The following MRPL20 variants were observed in gnomAD, a reference collection of about 807,000 sequenced individuals.
MRPL20 encodes the protein mitochondrial ribosomal protein L20.
In MRPL20, 21 loss-of-function variants were observed where a neutral mutation model predicts 20.0. The ratio of observed to expected loss-of-function variants is 1.05; its 90% CI spans 0.74 to 1.51. The LOEUF (loss-of-function observed/expected upper bound fraction) is 1.51. MRPL20 is among the 40% of genes most tolerant of loss of function. MRPL20 has a pLI of 0.00. For missense variants in MRPL20, 252 were observed against 185.6 expected (o/e 1.36, Z -2.08); for synonymous variants, 104 against 73.0 (o/e 1.43, Z -2.17).
In MRPL20 at chr1:1,401,973, A is replaced by G. The variant is rs1003690524; in HGVS notation, c.*110T>C. 1.1e-5 allele frequency: 13 copies of G among 1,221,772 alleles called. No homozygotes were observed. The African/African-American group carries it at 1.8e-4, about 17-fold the overall frequency. 75.7% of individuals were successfully genotyped at this position (1,221,772 alleles called of 1,614,324 possible). ...TCATCTGTGAGGCTCTGTCCCAGAGAGACAGGGCCATCCCTCATGTCTGTT... is the reference window on the plus strand; with the variant it reads ...TCATCTGTGAGGCTCTGTCCCAGAGGGACAGGGCCATCCCTCATGTCTGTT... On this transcript the variant is annotated 3_prime_UTR_variant, in exon 4 of 4. Coordinates refer to ENST00000344843, the MANE Select transcript of MRPL20 (RefSeq NM_017971.4).
chr1:1,401,915 G>A lies in MRPL20; in HGVS notation c.*168C>T. 1.3e-6 allele frequency: 1 copy of A among 781,814 alleles called. No homozygotes were observed. Among genetic ancestry groups the A allele is most frequent in the Non-Finnish European group, 2.0e-6 (1 of 499,456 alleles). The allele number at this position is 781,814 out of a possible 1,614,324, so 48.4% of individuals were successfully genotyped here. On this transcript the variant is annotated 3_prime_UTR_variant, in exon 4 of 4. Transcript: ENST00000344843. ...AGAAAATGACTCTAAAAACTGAAGA[G>A]TGTTTGAGTTTCATTCACACAAAAC... is the stretch of plus-strand genomic sequence containing the variant.
Position 1,407,285 on chromosome 1 carries a change from G to T in MRPL20, c.-68C>A. ...GCAGCGCCGCTGCCATCTTGCCCGG[G>T]TCGGAAATGGTGGTCACGAGCGCTT... On this transcript the variant is annotated 5_prime_UTR_variant, in exon 1 of 4. Transcript: ENST00000344843. The T allele has an allele frequency of 7.2e-7, 1 of 1,396,502 alleles. No individual in the cohort carries two copies. Among genetic ancestry groups the T allele is most frequent in the Non-Finnish European group, 9.9e-7 (1 of 1,014,050 alleles). 86.5% of individuals were successfully genotyped at this position (1,396,502 alleles called of 1,614,324 possible).
rs761023126 is a variant in MRPL20 at position 1,402,046 on chromosome 1, ACT to A, written c.*35_*36del. 1.1e-5 allele frequency: 18 copies of A among 1,577,210 alleles called. No individual in the cohort carries two copies. Among genetic ancestry groups the A allele is most frequent in the Admixed American group, 1.9e-5 (1 of 52,692 alleles). ...GTATAAATCAAACAAACTGCAAATT[ACT>A]CTGTCTCTTTTCCTAATCAATACAG... On this transcript the variant is annotated 3_prime_UTR_variant, in exon 4 of 4. Transcript: ENST00000344843.
rs750761440 is a variant in MRPL20, at chr1:1,402,079, G to C, written c.*4C>G. 3.1e-6 allele frequency: 5 copies of C among 1,609,204 alleles called. No homozygotes were observed. Among genetic ancestry groups the C allele is most frequent in the Middle Eastern group, 1.7e-4 (1 of 6,044 alleles). Reference sequence around the variant, plus strand: ...TCTTTTCCTAATCAATACAGCAACAGTCCTCAGTGGTACTGCACCACTCTG... The same window carrying C: ...TCTTTTCCTAATCAATACAGCAACACTCCTCAGTGGTACTGCACCACTCTG... On this transcript the variant is annotated 3_prime_UTR_variant, in exon 4 of 4. Transcript: ENST00000344843.
At position 1,402,266 on chromosome 1, in the gene MRPL20, G is replaced by C. The variant is rs748990590; in HGVS notation, c.277-10C>G. 2.6e-5 allele frequency: 41 copies of C among 1,602,452 alleles called. No individual in the cohort carries two copies. Among genetic ancestry groups the C allele is most frequent in the African/African-American group, 1.3e-4 (10 of 74,500 alleles). On this transcript the variant is annotated splice_polypyrimidine_tract_variant and intron_variant, in intron 3 of 3. Transcript: ENST00000344843. ...TGAGCTCCACCTGGCACTGAAAAAA[G>C]AATGAATCAGAACCTGCTGTCAGTG...
At chr1:1,402,618 G>C in intron 3 of MRPL20, 1 of 1,020,206 alleles carries the variant, frequency 9.8e-7, no homozygotes, top group Non-Finnish European at 1.2e-6. Context: ...GAACCACAGA[G>C]GATTTCAGAA....
chr1:1,402,211 A>T lies in MRPL20; in HGVS notation c.322T>A (p.Tyr108Asn). 1 of 1,613,936 alleles carries T rather than the reference A, an allele frequency of 6.2e-7. No homozygotes were observed. Among genetic ancestry groups the T allele is most frequent in the South Asian group, 1.1e-5 (1 of 91,070 alleles). The change falls in exon 4 of 4, where the codon TAC (tyrosine) becomes AAC (asparagine). Residue 108 changes from tyrosine to asparagine, a missense_variant. Transcript: ENST00000344843. Reference protein sequence around the residue: ...NRKVLADLAIYEPKTFKSLAA... With the variant: ...NRKVLADLAINEPKTFKSLAA... ...AAAGATTTGAAAGTCTTTGGCTCGT[A>T]GATGGCCAGATCCGCTAGGACTTTC...
At chr1:1,406,365 A>C in intron 2 of MRPL20, 1 of 177,038 alleles carries the variant, frequency 5.6e-6, no homozygotes, top group South Asian at 1.1e-4. Context: ...AAGAAAAAAA[A>C]ACCGGGGTAC....
intron 2 of MRPL20, chr1:1,406,509 T>G: frequency 4.2e-6 from 1 of 236,332 alleles, no homozygotes; most frequent in Non-Finnish European, 8.5e-6. Flanking sequence ...GCAGCAGGCG[T>G]GGTCTCTTCG....
rs988032681 is a variant in MRPL20 at position 1,402,051 on chromosome 1, G to C, written c.*32C>G. 1.9e-6 allele frequency: 3 copies of C among 1,582,906 alleles called. No homozygotes were observed. The highest frequency in any genetic ancestry group is 2.3e-5 in the East Asian group (1 of 44,412). ...AATCAAACAAACTGCAAATTACTCT[G>C]TCTCTTTTCCTAATCAATACAGCAA... is the stretch of plus-strand genomic sequence containing the variant. On this transcript the variant is annotated 3_prime_UTR_variant, in exon 4 of 4. Coordinates refer to ENST00000344843, the MANE Select transcript of MRPL20 (RefSeq NM_017971.4).
chr1:1,402,307 G>C, intron 3 of MRPL20, 51 bp from the exon 4 acceptor site: 2 of 1,548,074 alleles, frequency 1.3e-6, no homozygotes, highest in South Asian at 1.2e-5. Flanking sequence ...CACACACTCC[G>C]GCTCCGCGTG....
At position 1,402,021 on chromosome 1, in the gene MRPL20, G is replaced by A. The variant is rs576512910; in HGVS notation, c.*62C>T. ...GTTATTGGGTTGTAGATAAACAAAAGTATAAATCAAACAAACTGCAAATTA... is the reference window on the plus strand; with the variant it reads ...GTTATTGGGTTGTAGATAAACAAAAATATAAATCAAACAAACTGCAAATTA... On this transcript the variant is annotated 3_prime_UTR_variant, in exon 4 of 4. Transcript: ENST00000344843. The A allele has an allele frequency of 1.8e-5, 28 of 1,546,666 alleles. No individual in the cohort carries two copies. In the African/African-American group the frequency reaches 3.6e-4, roughly 20 times the overall value.
intron 2 of MRPL20, chr1:1,406,546 C>T (rs545824472): frequency 5.3e-5 from 17 of 322,386 alleles, no homozygotes; most frequent in South Asian, 3.8e-4. Context: ...CAGATAGTAG[C>T]CCTGGAGGGT....
chr1:1,402,318 GT>G, intron 3 of MRPL20, 62 bp from the exon 4 acceptor site: 1 of 1,529,128 alleles, frequency 6.5e-7, no homozygotes, highest in Admixed American at 2.0e-5. Flanking sequence ...GCTCCGCGTG[GT>G]TGCGGCGCTG....
At chr1:1,407,044 G>A in intron 1 of MRPL20, 25 bp from the exon 2 acceptor site, 2 of 1,611,360 alleles carry the variant, frequency 1.2e-6, no homozygotes, top group Non-Finnish European at 1.7e-6. Flanking sequence ...GAGAAACCAG[G>A]GTTGTCAGCG....
chr1:1,406,905 T>A lies in MRPL20; in HGVS notation c.198+4A>T. 1 of 1,611,518 alleles carries A rather than the reference T, an allele frequency of 6.2e-7. No homozygotes were observed. The highest frequency in any genetic ancestry group is 2.2e-5 in the East Asian group (1 of 44,840). On this transcript the variant is annotated splice_donor_region_variant and intron_variant, in intron 2 of 3. Coordinates refer to ENST00000344843, the MANE Select transcript of MRPL20 (RefSeq NM_017971.4). Reference sequence around the variant, plus strand: ...GCCGGCGGGTGTCCCGGGTCCACGCTTACGGTCCTCATGTTCTTTTTCTTC... The same window carrying A: ...GCCGGCGGGTGTCCCGGGTCCACGCATACGGTCCTCATGTTCTTTTTCTTC...
intron 3 of MRPL20, among the ~76,000 whole-genome samples, chr1:1,404,641 C>T (rs1645366333): frequency 1.3e-5 from 2 of 149,500 alleles, no homozygotes; most frequent in East Asian, 2.0e-4. Flanking sequence ...GCTGGGACTA[C>T]AGGTGCCGGC....
intron 3 of MRPL20, among the ~76,000 whole-genome samples, chr1:1,404,148 T>C (rs1055526544): frequency 6.6e-6 from 1 of 152,092 alleles, no homozygotes; most frequent in African/African-American, 2.4e-5. Context: ...CCCAGCCTCA[T>C]TGTTTTAACT....
chr1:1,404,932 A>G (rs1350261385), intron 3 of MRPL20, among the ~76,000 whole-genome samples: 1 of 151,688 alleles, frequency 6.6e-6, no homozygotes, highest in Admixed American at 6.6e-5. Flanking sequence ...CTGGAGTGGC[A>G]CTCCTCGCCT....
Sources: allele counts gnomAD v4.1 joint callset (sites outside exome capture counted in the v4.1 genomes callset), GRCh38; gene constraint gnomAD v4.1.1; transcripts MANE v1.5; gene names NCBI Gene and HGNC (gene_info 2026-07-23, HGNC 2026-07-21).